Variants in DLG4 observed in about 807,000 individuals in gnomAD.
DLG4 encodes disks large homolog 4.
In DLG4, 7 loss-of-function variants were observed where a neutral mutation model predicts 93.8. The ratio of observed to expected loss-of-function variants is 0.07; its 90% CI spans 0.04 to 0.14. The LOEUF (loss-of-function observed/expected upper bound fraction) is 0.14. Ranked by LOEUF, DLG4 falls within the 10% of genes least tolerant of loss-of-function variation. The probability of loss-of-function intolerance (pLI) is 1.00; values close to 1 mark genes in which losing one functional copy is unlikely to be tolerated. For synonymous variants in DLG4, 341 were observed against 387.6 expected (o/e 0.88, Z 1.41); for missense variants, 545 against 992.9 (o/e 0.55, Z 6.06).
intron 1 of DLG4, among the ~76,000 whole-genome samples, chr17:7,209,003 T>G (rs2070605722): frequency 6.6e-6 from 1 of 152,138 alleles, no homozygotes; most frequent in African/African-American, 2.4e-5. Flanking sequence ...CTAATCCGGT[T>G]ATGCTATAAG....
intron 1 of DLG4, among the ~76,000 whole-genome samples, chr17:7,215,523 A>C (rs1179876593): frequency 6.6e-6 from 1 of 152,232 alleles, no homozygotes; most frequent in Non-Finnish European, 1.5e-5. Context: ...GCCTAAGGGC[A>C]GGAGACAGCG....
chr17:7,212,127 C>G (rs2070738273), intron 1 of DLG4, among the ~76,000 whole-genome samples: 1 of 152,036 alleles, frequency 6.6e-6, no homozygotes, highest in Non-Finnish European at 1.5e-5. Context: ...TACTGGCCTC[C>G]CAGAGTCCAG....
At chr17:7,192,819 G>T in intron 17 of DLG4, 126 bp downstream of exon 17, 1 of 1,043,324 alleles carries the variant, frequency 9.6e-7, no homozygotes, top group Non-Finnish European at 1.4e-6. Flanking sequence ...AGAAGGAGGT[G>T]GAGGAGCGGA....
In DLG4 at chr17:7,196,585, G is replaced by A. The variant is rs1364324227; in HGVS notation, c.1084-10C>T. On this transcript the variant is annotated splice_polypyrimidine_tract_variant and intron_variant, in intron 9 of 19. Transcript: ENST00000399506. This position sits in a 1 kb window ranked among gnomAD's most constrained non-coding sequence, Gnocchi z 8.3. ...GGTCCACACCGTTGACCTAGAGAGA[G>A]GACGACAGGCTGTGTCACCAGAGAC... 54 of 1,613,702 alleles carry A rather than the reference G, an allele frequency of 3.3e-5. No individual in the cohort carries two copies. The highest frequency in any genetic ancestry group is 4.5e-5 in the Non-Finnish European group (53 of 1,179,744).
chr17:7,200,663 C>T (rs1267685249), intron 8 of DLG4, among the ~76,000 whole-genome samples: 1 of 151,924 alleles, frequency 6.6e-6, no homozygotes, highest in African/African-American at 2.4e-5. Flanking sequence ...TCTCCTGCCT[C>T]AGCCTCCTGA....
Position 7,203,176 on chromosome 17 carries a change from C to A in DLG4, c.642+17G>T. 1 of 1,583,438 alleles carries A rather than the reference C, an allele frequency of 6.3e-7. No individual in the cohort carries two copies. The highest frequency in any genetic ancestry group is 1.1e-5 in the South Asian group (1 of 87,994). ...ACCCAAATCTGGGCTAGAAAATGGG[C>A]TAGATGGAGTCCTCACCGCCAGGAT... is the stretch of plus-strand genomic sequence containing the variant. On this transcript the variant is annotated intron_variant, in intron 7 of 19. Transcript: ENST00000399506. This position sits in a 1 kb window ranked among gnomAD's most constrained non-coding sequence, Gnocchi z 7.2.
At chr17:7,217,785 G>A, upstream of DLG4, 1 of 1,535,356 alleles carries the variant, frequency 6.5e-7, no homozygotes, top group Admixed American at 2.0e-5. Context: ...TGGAGACCTG[G>A]CCAGCCACCA....
intron 8 of DLG4, chr17:7,202,667 G>A: frequency 1.8e-6 from 1 of 545,512 alleles, no homozygotes; most frequent in Middle Eastern, 2.7e-4. Flanking sequence ...CACAAAATTA[G>A]CCATAAAACC....
In DLG4 at chr17:7,193,929, C is replaced by A; in HGVS notation, c.1515+35G>T. 6.2e-7 allele frequency: 1 copy of A among 1,613,590 alleles called. No individual in the cohort carries two copies. The highest frequency in any genetic ancestry group is 8.5e-7 in the Non-Finnish European group (1 of 1,179,728). On this transcript the variant is annotated intron_variant, in intron 13 of 19. Coordinates refer to ENST00000399506, the MANE Select transcript of DLG4 (RefSeq NM_001321075.3). The surrounding 1 kb of genome is among the most constrained non-coding windows in gnomAD (Gnocchi z 6.7). ...ATGAGCTCAGCTCCATGAGCCCTCA[C>A]ACTTCCACCCAGGCTCACACCCTCC...
rs772985422 is a variant in DLG4 at position 7,202,798 on chromosome 17, T to C, written c.787+105A>G. 9.9e-6 allele frequency: 14 copies of C among 1,408,310 alleles called. No homozygotes were observed. Among genetic ancestry groups the C allele is most frequent in the East Asian group, 9.3e-5 (4 of 43,082 alleles). 87.2% of individuals were successfully genotyped at this position (1,408,310 alleles called of 1,614,324 possible). A position where few individuals can be genotyped will look rare whatever the true frequency, so the allele number is the denominator to read the frequency against. ...AGGATCAGAGGTTGTGGCTATTTCATAGGGAATATCTGAAGAGGGACAGCT... is the reference window on the plus strand; with the variant it reads ...AGGATCAGAGGTTGTGGCTATTTCACAGGGAATATCTGAAGAGGGACAGCT... On this transcript the variant is annotated intron_variant, in intron 8 of 19. Transcript: ENST00000399506.
Position 7,189,104 on chromosome 17 carries a change from T to C in DLG4, c.*1604A>G, listed in dbSNP as rs1597430772. ...TCCAGCCTGAGCGAAAGAGCGAAAC[T>C]CTGTCTCAAAAAAAAAAAAAAAAGG... On this transcript the variant is annotated 3_prime_UTR_variant, in exon 20 of 20. Transcript: ENST00000399506. Among the ~76,000 whole-genome samples the C allele has an allele frequency of 8.6e-6, 1 of 115,798 alleles. No individual in the cohort carries two copies. Among genetic ancestry groups the C allele is most frequent in the African/African-American group, 3.5e-5 (1 of 28,344 alleles). The allele number at this position is 115,798 out of a possible 152,430, so 76.0% of individuals were successfully genotyped here. A position where few individuals can be genotyped will look rare whatever the true frequency, so the allele number is the denominator to read the frequency against.
In DLG4 at chr17:7,191,333, C is replaced by T; in HGVS notation, c.2002G>A (p.Glu668Lys). ...VLEINKRITEEQARKAFDRAT... is the reference protein window; with the variant it reads ...VLEINKRITEKQARKAFDRAT... The stretch of plus-strand genomic sequence containing the variant: ...CTGTCGAAGGCTTTGCGGGCTTGCT[C>T]CTCTGTGATCCGCTTGTTAATCTCT... The change falls in exon 19 of 20, where the codon GAG (glutamate) becomes AAG (lysine). Residue 668 changes from glutamate to lysine, a missense_variant. By Grantham distance (56) the Glu-to-Lys change is moderately conservative. Around this residue, in one of 5 missense-constraint regions of DLG4, gnomAD observed 428 missense variants for 741.4 expected, o/e 0.58. Coordinates refer to ENST00000399506, the MANE Select transcript of DLG4 (RefSeq NM_001321075.3). This position sits in a 1 kb window ranked among gnomAD's most constrained non-coding sequence, Gnocchi z 6.6. 1 of 1,613,918 alleles carries T rather than the reference C, an allele frequency of 6.2e-7. No homozygotes were observed.
chr17:7,212,188 C>G (rs1325225342), intron 1 of DLG4, among the ~76,000 whole-genome samples: 1 of 152,062 alleles, frequency 6.6e-6, no homozygotes, highest in African/African-American at 2.4e-5. Flanking sequence ...TCTACACTGC[C>G]TCTCCCACCA....
chr17:7,204,621 G>A (rs911158640), intron 2 of DLG4, among the ~76,000 whole-genome samples: 10 of 152,040 alleles, frequency 6.6e-5, no homozygotes, highest in South Asian at 4.2e-4. Flanking sequence ...GCTTCTCACC[G>A]GATGTAACAC....
rs2069491032 is a variant in DLG4, at chr17:7,191,463, G to GA, written c.1977-106_1977-105insT. The GA allele has an allele frequency of 1.5e-5, 13 of 880,210 alleles. No homozygotes were observed. The highest frequency in any genetic ancestry group is 1.3e-4 in the African/African-American group (7 of 53,562). 54.5% of individuals were successfully genotyped at this position (880,210 alleles called of 1,614,324 possible). A position where few individuals can be genotyped will look rare whatever the true frequency, so the allele number is the denominator to read the frequency against. On this transcript the variant is annotated intron_variant, in intron 18 of 19. Coordinates refer to ENST00000399506, the MANE Select transcript of DLG4 (RefSeq NM_001321075.3). This position sits in a 1 kb window ranked among gnomAD's most constrained non-coding sequence, Gnocchi z 6.6. ...AGTATTCTTCTATTTGGAGCACATA[G>GA]CAAAAAAAAAAATACAATTCCCAAT...
upstream of DLG4, chr17:7,218,662 G>A (rs760235847): frequency 2.6e-6 from 4 of 1,554,452 alleles, no homozygotes; most frequent in South Asian, 4.7e-5. Context: ...AAGGAGAATT[G>A]GGACAGGGAA....
upstream of DLG4, chr17:7,219,392 G>C: frequency 2.0e-6 from 2 of 1,014,780 alleles, no homozygotes; most frequent in Non-Finnish European, 2.4e-6. Context: ...AGTGAATCTG[G>C]GGGGGTCTTC....
At chr17:7,209,376 C>T (rs929292807) in intron 1 of DLG4, among the ~76,000 whole-genome samples, 2 of 152,114 alleles carry the variant, frequency 1.3e-5, no homozygotes, top group South Asian at 2.1e-4. Context: ...TCCTCTGGAA[C>T]GGGCCTCCAC....
intron 1 of DLG4, among the ~76,000 whole-genome samples, chr17:7,213,095 C>CTTTTTTT (rs746009346): frequency 1.2e-5 from 1 of 80,854 alleles, no homozygotes; most frequent in Non-Finnish European, 2.8e-5. Flanking sequence ...TTCTTTCTTT[C>CTTTTTTT]TTTTTTTTTT....
Sources: gnomAD v4.1 joint callset for allele counts (sites outside exome capture counted in the v4.1 genomes callset) on GRCh38, gnomAD v4.1.1 for gene constraint, gnomAD v4.1.1 regional missense constraint, Gnocchi (gnomAD v3.1) non-coding constraint, MANE v1.5 for transcripts, NCBI Gene and HGNC (gene_info 2026-07-23, HGNC 2026-07-21) for gene names.